The following CRTC3 variants were observed in gnomAD, a reference collection of about 807,000 sequenced individuals.
CRTC3 encodes CREB regulated transcription coactivator 3, also known as CREB-regulated transcription coactivator 3.
In CRTC3, 26 loss-of-function variants were observed where a neutral mutation model predicts 74.5. That is an observed-to-expected ratio of 0.35 (90% CI 0.26 to 0.48). CRTC3 has a LOEUF of 0.48. Ranked by LOEUF, CRTC3 falls within the 20% of genes least tolerant of loss-of-function variation. The pLI, the probability that CRTC3 is intolerant of heterozygous loss-of-function variation, is 0.99. For synonymous variants in CRTC3, 377 were observed against 325.8 expected (o/e 1.16, Z -1.69); for missense variants, 760 against 787.3 (o/e 0.97, Z 0.41).
chr15:90,581,496 T>C (rs1967540972), intron 2 of CRTC3, among the ~76,000 whole-genome samples: 1 of 152,236 alleles, frequency 6.6e-6, no homozygotes, highest in African/African-American at 2.4e-5. Context: ...TTTTGTTGGC[T>C]GGCTGTATGG....
chr15:90,551,255 CAGT>C (rs1305408514), intron 2 of CRTC3, among the ~76,000 whole-genome samples: 1 of 152,056 alleles, frequency 6.6e-6, no homozygotes, highest in African/African-American at 2.4e-5. Flanking sequence ...AAGCAAAAGT[CAGT>C]AGTATAGTAA....
intron 2 of CRTC3, among the ~76,000 whole-genome samples, chr15:90,575,148 G>A (rs542775382): frequency 2.0e-5 from 3 of 152,140 alleles, no homozygotes; most frequent in East Asian, 1.9e-4. Context: ...TCAGCAGTTC[G>A]AGACCAGCCT....
intron 10 of CRTC3, among the ~76,000 whole-genome samples, chr15:90,627,945 C>T (rs1317575010): frequency 7.1e-6 from 1 of 141,270 alleles, no homozygotes; most frequent in Admixed American, 7.0e-5. Flanking sequence ...AGGCTGGGTG[C>T]GGTGGCTCAC....
At chr15:90,589,702 A>G (rs1045492883) in intron 2 of CRTC3, among the ~76,000 whole-genome samples, 4 of 152,208 alleles carry the variant, frequency 2.6e-5, no homozygotes, top group African/African-American at 7.2e-5. Context: ...TGTTTAAAAT[A>G]CTGGCCGGGT....
intron 13 of CRTC3, 94 bp downstream of exon 13, chr15:90,638,909 C>A (rs1318752990): frequency 1.4e-5 from 14 of 1,030,662 alleles, no homozygotes; most frequent in Non-Finnish European, 2.1e-5. Context: ...GCAGACCAGA[C>A]ATGCCACTTT....
intron 6 of CRTC3, 172 bp from the exon 7 acceptor site, chr15:90,614,281 C>A: frequency 3.7e-6 from 2 of 540,616 alleles, no homozygotes; most frequent in Non-Finnish European, 3.3e-6. Context: ...TTAGCTATAC[C>A]TATTTTTAGT....
At chr15:90,577,330 AG>A (rs954330210) in intron 2 of CRTC3, among the ~76,000 whole-genome samples, 2 of 152,206 alleles carry the variant, frequency 1.3e-5, no homozygotes, top group Admixed American at 1.3e-4. Context: ...GAAGGATATA[AG>A]GGGTTGGAGA....
Position 90,545,788 on chromosome 15 carries a change from C to T in CRTC3, c.231+5651C>T, listed in dbSNP as rs539511354. 7.9e-4 allele frequency among the ~76,000 whole-genome samples: 120 copies of T among 152,200 alleles called. No individual in the cohort carries two copies. The South Asian group carries it at 0.013, about 16-fold the overall frequency. ...AGAGACGGGGTTTCACTGTGTTAGCCAGGATGGTCTCCATCTCCTGACTTT... is the reference window on the plus strand; with the variant it reads ...AGAGACGGGGTTTCACTGTGTTAGCTAGGATGGTCTCCATCTCCTGACTTT... On this transcript the variant is annotated intron_variant, in intron 2 of 14. Coordinates refer to ENST00000268184, the MANE Select transcript of CRTC3 (RefSeq NM_022769.5).
At chr15:90,590,656 G>T (rs769600220) in intron 2 of CRTC3, among the ~76,000 whole-genome samples, 1 of 151,826 alleles carries the variant, frequency 6.6e-6, no homozygotes, top group African/African-American at 2.4e-5. Flanking sequence ...CACTGCACCC[G>T]GCCCAGACTT....
chr15:90,588,327 A>G (rs1005310559), intron 2 of CRTC3, among the ~76,000 whole-genome samples: 6 of 151,774 alleles, frequency 4.0e-5, no homozygotes, highest in African/African-American at 1.2e-4. Context: ...CATCACTACC[A>G]TATTAGCCAG....
intron 2 of CRTC3, 64 bp downstream of exon 2, chr15:90,540,201 C>T (rs999379248): frequency 3.5e-6 from 4 of 1,130,414 alleles, no homozygotes; most frequent in East Asian, 2.4e-5. Context: ...AAGATTATCA[C>T]TAAAAAGATG....
intron 7 of CRTC3, 64 bp from the exon 8 acceptor site, chr15:90,617,819 C>A: frequency 8.9e-7 from 1 of 1,119,540 alleles, no homozygotes; most frequent in Admixed American, 1.7e-5. Flanking sequence ...GCGTGAGCCA[C>A]CGTGCCCGGC....
chr15:90,590,960 G>GT (rs964175846), intron 2 of CRTC3, among the ~76,000 whole-genome samples: 19 of 151,938 alleles, frequency 1.3e-4, no homozygotes, highest in African/African-American at 3.6e-4. Flanking sequence ...CTTTTGTTTT[G>GT]TTTTTTGTTT....
At chr15:90,598,444 C>G in intron 3 of CRTC3, 1 of 702,984 alleles carries the variant, frequency 1.4e-6, no homozygotes. Flanking sequence ...CTCTAACACT[C>G]CACAGGTTGA....
intron 2 of CRTC3, among the ~76,000 whole-genome samples, chr15:90,569,289 C>A (rs1967201340): frequency 6.7e-6 from 1 of 149,700 alleles, no homozygotes; most frequent in African/African-American, 2.5e-5. Context: ...TAGGCATGAG[C>A]CACCATACAT....
rs139851694 is a variant in CRTC3, at chr15:90,617,945, A to G, written c.676A>G (p.Lys226Glu). 8.1e-6 allele frequency: 13 copies of G among 1,611,688 alleles called. No individual in the cohort carries two copies. The highest frequency in any genetic ancestry group is 1.1e-5 in the Non-Finnish European group (13 of 1,177,818). Residue 226 changes from lysine (K) to glutamate (E), a missense_variant, in exon 8 of 15, where the codon AAA (lysine) becomes GAA (glutamate). Physicochemically the swap from Lys to Glu is moderately conservative, Grantham distance 56 (BLOSUM62 1). This residue lies in a region of CRTC3 where 652 missense variants were observed against 635.2 expected (regional missense o/e 1.03). Transcript: ENST00000268184. ...GTTAAATGTTCCGAAGCCACTGCCA[A>G]AACAACTGTGGGAGACCAAGGAGGT... Reference protein sequence around the residue: ...NLLNVPKPLPKQLWETKEIQS... With the variant: ...NLLNVPKPLPEQLWETKEIQS...
chr15:90,633,612 T>G (rs190896014), intron 11 of CRTC3, among the ~76,000 whole-genome samples: 1 of 152,320 alleles, frequency 6.6e-6, no homozygotes, highest in East Asian at 1.9e-4. Context: ...TCTGCATATT[T>G]GGTGGGTTCC....
At chr15:90,541,465 C>T (rs768527200) in intron 2 of CRTC3, among the ~76,000 whole-genome samples, 3 of 152,040 alleles carry the variant, frequency 2.0e-5, no homozygotes, top group East Asian at 1.9e-4. Flanking sequence ...CCTATTGCAC[C>T]GGAATCTTGT....
At chr15:90,545,722 A>G (rs915947988) in intron 2 of CRTC3, among the ~76,000 whole-genome samples, 81 of 147,642 alleles carry the variant, frequency 5.5e-4, no homozygotes, top group East Asian at 1.4e-3. Flanking sequence ...GACTACAGGC[A>G]CCTGCCACCA....
Sources: allele counts gnomAD v4.1 joint callset (sites outside exome capture counted in the v4.1 genomes callset), GRCh38; gene constraint gnomAD v4.1.1; regional missense constraint gnomAD v4.1.1; transcripts MANE v1.5; gene names NCBI Gene and HGNC (gene_info 2026-07-23, HGNC 2026-07-21).